CCDC138: variants seen among roughly 807,000 people sequenced by gnomAD.
CCDC138 encodes coiled-coil domain containing 138, also known as coiled-coil domain-containing protein 138.
Under a neutral mutation model 82.3 loss-of-function variants are expected in CCDC138, and 66 were observed. That is an observed-to-expected ratio of 0.80 (90% CI 0.66 to 0.98). The LOEUF is 0.98. Among genes scored for constraint, CCDC138 ranks in the 50% least tolerant of loss-of-function variants. The pLI is 0.00. For missense variants in CCDC138, 816 were observed against 758.9 expected, an observed-to-expected ratio of 1.08 and a Z score of -0.88; for synonymous variants, 297 against 265.4, an observed-to-expected ratio of 1.12 and a Z score of -1.16.
Position 108,788,054 on chromosome 2 carries a change from AGTCT to A in CCDC138, c.117_120del (p.Lys41IlefsTer6). The stretch of plus-strand genomic sequence containing the variant: ...TAGTATGATTTTTCAAATTTTTATC[AGTCT>A]AAGTATAAGAGAAGAACTCTAACCT... On this transcript the variant is annotated frameshift_variant, in exon 2 of 15. Transcript: ENST00000295124. LOFTEE classifies it high-confidence loss of function. The A allele has an allele frequency of 6.3e-7, 1 of 1,579,882 alleles. No homozygotes were observed. Among genetic ancestry groups the A allele is most frequent in the Non-Finnish European group, 8.6e-7 (1 of 1,167,572 alleles).
intron 10 of CCDC138, among the ~76,000 whole-genome samples, chr2:108,822,167 T>C (rs1462454087): frequency 6.6e-6 from 1 of 152,078 alleles, no homozygotes; most frequent in East Asian, 1.9e-4. Context: ...GTAATACTAA[T>C]ATAAGACAAA....
chr2:108,866,955 A>AATT (rs1404787403), intron 13 of CCDC138, among the ~76,000 whole-genome samples: 1 of 152,044 alleles, frequency 6.6e-6, no homozygotes, highest in Non-Finnish European at 1.5e-5. Flanking sequence ...TATTATAAAT[A>AATT]GTGCATTATA....
chr2:108,872,010 C>G (rs1273906651), intron 13 of CCDC138, among the ~76,000 whole-genome samples: 1 of 152,172 alleles, frequency 6.6e-6, no homozygotes, highest in Non-Finnish European at 1.5e-5. Flanking sequence ...CTCACACGTA[C>G]TTTGCCCTAC....
rs542297517 is a variant in CCDC138 at position 108,813,070 on chromosome 2, A to C, written c.1041+143A>C. ...CGAGACCATCCTGGCCAACATGGTGAAACCCCGTTTCTACTAAAAATACAG... is the reference window on the plus strand; with the variant it reads ...CGAGACCATCCTGGCCAACATGGTGCAACCCCGTTTCTACTAAAAATACAG... On this transcript the variant is annotated intron_variant, in intron 9 of 14. Coordinates refer to ENST00000295124, the MANE Select transcript of CCDC138 (RefSeq NM_144978.3). The C allele has an allele frequency of 1.4e-5, 8 of 586,424 alleles. No homozygotes were observed. In the East Asian group the frequency reaches 2.7e-4, roughly 20 times the overall value. The allele number at this position is 586,424 out of a possible 1,614,324, so 36.3% of individuals were successfully genotyped here.
chr2:108,853,388 A>G (rs757792458), intron 12 of CCDC138, among the ~76,000 whole-genome samples: 10 of 152,182 alleles, frequency 6.6e-5, no homozygotes, highest in African/African-American at 9.7e-5. Flanking sequence ...GTCATTAACA[A>G]TAAGTATGGA....
At chr2:108,869,474 G>A (rs1694914291) in intron 13 of CCDC138, among the ~76,000 whole-genome samples, 1 of 152,150 alleles carries the variant, frequency 6.6e-6, no homozygotes, top group South Asian at 2.1e-4. Flanking sequence ...CACATACAGG[G>A]AATGCGGCAT....
intron 13 of CCDC138, among the ~76,000 whole-genome samples, chr2:108,865,181 A>G (rs1320244751): frequency 6.6e-6 from 1 of 152,132 alleles, no homozygotes; most frequent in Non-Finnish European, 1.5e-5. Flanking sequence ...TTATATCTTG[A>G]AGATCTTATA....
At chr2:108,834,961 G>A (rs560125355) in intron 10 of CCDC138, among the ~76,000 whole-genome samples, 1 of 152,280 alleles carries the variant, frequency 6.6e-6, no homozygotes, top group Non-Finnish European at 1.5e-5. Context: ...TCTAATTGAA[G>A]GTCAGTTGGC....
At chr2:108,832,465 G>A (rs775334962) in intron 10 of CCDC138, among the ~76,000 whole-genome samples, 42 of 147,918 alleles carry the variant, frequency 2.8e-4, no homozygotes, top group South Asian at 4.3e-4. Flanking sequence ...CTCCTGCCTC[G>A]GCCTCCCAAG....
intron 4 of CCDC138, among the ~76,000 whole-genome samples, chr2:108,793,768 T>G (rs1425791485): frequency 6.6e-6 from 1 of 151,928 alleles, no homozygotes; most frequent in East Asian, 1.9e-4. Context: ...GGCTAATTTT[T>G]TTTTTTTGTA....
chr2:108,819,049 A>G (rs550857098), intron 10 of CCDC138, among the ~76,000 whole-genome samples: 1 of 152,344 alleles, frequency 6.6e-6, no homozygotes, highest in South Asian at 2.1e-4. Context: ...ACAAGTAAAG[A>G]TTGTAAAATT....
In CCDC138 at chr2:108,788,904, T is replaced by C; in HGVS notation, c.204T>C (p.Ser68=). 6.2e-7 allele frequency: 1 copy of C among 1,614,090 alleles called. No homozygotes were observed. The highest frequency in any genetic ancestry group is 1.3e-5 in the African/African-American group (1 of 75,064). The change falls in exon 3 of 15, where the codon TCT becomes TCC. Residue 68 remains serine (S), a synonymous_variant. Transcript: ENST00000295124. ...GDKVGSSLKY[S]DESKHCRTPL... ...AAGTTGGTTCATCGTTAAAATATTC[T>C]GATGAAAGCAAGCATTGTAGAACAC...
chr2:108,788,112 T>G, intron 2 of CCDC138, 23 bp downstream of exon 2: 1 of 1,601,874 alleles, frequency 6.2e-7, no homozygotes, highest in African/African-American at 1.4e-5. Context: ...TTTGTATATT[T>G]GGGGGTTTCA....
At chr2:108,827,266 C>G (rs1428821212) in intron 10 of CCDC138, among the ~76,000 whole-genome samples, 1 of 151,994 alleles carries the variant, frequency 6.6e-6, no homozygotes, top group East Asian at 1.9e-4. Context: ...AGTAAAGTAT[C>G]CAGTTGCTAA....
intron 13 of CCDC138, among the ~76,000 whole-genome samples, chr2:108,869,805 AGT>A (rs1694965790): frequency 6.6e-6 from 1 of 152,190 alleles, no homozygotes; most frequent in South Asian, 2.1e-4. Flanking sequence ...CTTGATAAGT[AGT>A]GAAGGCCTTT....
At chr2:108,822,728 A>G (rs561507451) in intron 10 of CCDC138, among the ~76,000 whole-genome samples, 1 of 152,374 alleles carries the variant, frequency 6.6e-6, no homozygotes, top group East Asian at 1.9e-4. Flanking sequence ...CCCAAGGAAA[A>G]TTGGCAAATA....
At chr2:108,787,735 A>T (rs1251709385) in intron 1 of CCDC138, among the ~76,000 whole-genome samples, 1 of 151,996 alleles carries the variant, frequency 6.6e-6, no homozygotes, top group Non-Finnish European at 1.5e-5. Context: ...AAGTGTAAGA[A>T]TTATTTATTG....
At chr2:108,810,713 G>A (rs1439261366) in intron 7 of CCDC138, among the ~76,000 whole-genome samples, 1 of 152,144 alleles carries the variant, frequency 6.6e-6, no homozygotes, top group Non-Finnish European at 1.5e-5. Context: ...AGTTTTTTGG[G>A]ATAGTTTGAG....
intron 10 of CCDC138, among the ~76,000 whole-genome samples, chr2:108,830,473 G>C (rs1331796484): frequency 1.3e-5 from 2 of 152,116 alleles, no homozygotes; most frequent in Admixed American, 1.3e-4. Context: ...TCTAAGACAG[G>C]CCACCCTAAA....
Sources: allele counts gnomAD v4.1 joint callset (sites outside exome capture counted in the v4.1 genomes callset), GRCh38; gene constraint gnomAD v4.1.1; transcripts MANE v1.5; gene names NCBI Gene and HGNC (gene_info 2026-07-23, HGNC 2026-07-21).